Variants in FGF14 observed in about 807,000 individuals in gnomAD.
FGF14 encodes fibroblast growth factor 14.
In FGF14, 5 loss-of-function variants were observed where a neutral mutation model predicts 25.5. The ratio of observed to expected loss-of-function variants is 0.20; its 90% CI spans 0.10 to 0.41. The LOEUF (loss-of-function observed/expected upper bound fraction) is 0.41, where lower values mean the gene tolerates loss of function less well. FGF14 is among the 10% of genes least tolerant of loss of function. FGF14 has a pLI of 1.00. For missense variants in FGF14, 222 were observed against 320.1 expected (o/e 0.69, Z 2.34); for synonymous variants, 138 against 118.3 (o/e 1.17, Z -1.08).
At chr13:102,235,217 A>C (rs1441762191) in intron 1 of FGF14, among the ~76,000 whole-genome samples, 1 of 152,228 alleles carries the variant, frequency 6.6e-6, no homozygotes, top group Non-Finnish European at 1.5e-5. Flanking sequence ...ATTTTTCTGT[A>C]ATGTTTAATC....
chr13:102,161,846 C>T (rs1461323199), intron 1 of FGF14, among the ~76,000 whole-genome samples: 1 of 150,962 alleles, frequency 6.6e-6, no homozygotes, highest in African/African-American at 2.4e-5. Flanking sequence ...AAAAAAAAAC[C>T]TGGAGAATGA....
intron 3 of FGF14, among the ~76,000 whole-genome samples, chr13:101,853,833 T>C (rs149485487): frequency 1.3e-5 from 2 of 152,042 alleles, no homozygotes; most frequent in Admixed American, 1.3e-4. Flanking sequence ...AATTACAGAC[T>C]GATACTCAAG....
intron 1 of FGF14, among the ~76,000 whole-genome samples, chr13:102,098,895 G>A (rs1055819371): frequency 1.3e-5 from 2 of 152,196 alleles, no homozygotes; most frequent in African/African-American, 4.8e-5. Context: ...CCCAAGAAGA[G>A]AAAACAGATT....
chr13:102,199,705 C>T (rs1267103323), intron 1 of FGF14, among the ~76,000 whole-genome samples: 1 of 152,200 alleles, frequency 6.6e-6, no homozygotes, highest in Non-Finnish European at 1.5e-5. Context: ...AGTCTACACT[C>T]TAATCTCACG....
intron 1 of FGF14, among the ~76,000 whole-genome samples, chr13:102,010,427 C>T (rs1339215171): frequency 6.6e-6 from 1 of 152,104 alleles, no homozygotes; most frequent in South Asian, 2.1e-4. Context: ...GATACCAGAA[C>T]TAATAACACA....
chr13:101,914,276 T>C lies in FGF14; in HGVS notation c.193+2177A>G, dbSNP rs543475768. 1.7e-4 allele frequency among the ~76,000 whole-genome samples: 26 copies of C among 151,540 alleles called. No homozygotes were observed. The South Asian group carries it at 3.3e-3, about 19-fold the overall frequency. On this transcript the variant is annotated intron_variant, in intron 1 of 4. Coordinates refer to ENST00000376143, the MANE Select transcript of FGF14 (RefSeq NM_004115.4). Reference sequence around the variant, plus strand: ...ATATAATTTACATAACATAAAGTCTTAATATTTGTTTTGCTTAAAATTAGT... The same window carrying C: ...ATATAATTTACATAACATAAAGTCTCAATATTTGTTTTGCTTAAAATTAGT...
intron 1 of FGF14, among the ~76,000 whole-genome samples, chr13:102,247,245 T>C (rs2051921776): frequency 6.6e-6 from 1 of 152,080 alleles, no homozygotes; most frequent in African/African-American, 2.4e-5. Flanking sequence ...GGTATTTCAT[T>C]AAACTTAAGA....
At chr13:101,761,812 A>G (rs1408369301) in intron 3 of FGF14, among the ~76,000 whole-genome samples, 3 of 152,178 alleles carry the variant, frequency 2.0e-5, no homozygotes, top group Non-Finnish European at 4.4e-5. Flanking sequence ...TGTCCTCACT[A>G]ATGGCAGTTG....
chr13:101,860,793 G>T (rs975082403), intron 3 of FGF14, among the ~76,000 whole-genome samples: 11 of 151,998 alleles, frequency 7.2e-5, no homozygotes, highest in African/African-American at 2.7e-4. Flanking sequence ...TGGAGTCTTG[G>T]ATTCTGTTTT....
At chr13:101,917,247 A>T, upstream of FGF14, among the ~76,000 whole-genome samples, 1 of 152,032 alleles carries the variant, frequency 6.6e-6, no homozygotes. Context: ...TGGAGAGACC[A>T]ATCTTCTCCC....
intron 1 of FGF14, among the ~76,000 whole-genome samples, chr13:102,252,615 G>A (rs1431907297): frequency 2.6e-5 from 4 of 151,772 alleles, no homozygotes; most frequent in Non-Finnish European, 5.9e-5. Flanking sequence ...GTAAATAGCT[G>A]TTATACTCCA....
intron 3 of FGF14, 148 bp downstream of exon 3, chr13:101,868,565 CTGGTGAATAATA>C: frequency 1.5e-6 from 1 of 671,532 alleles, no homozygotes; most frequent in East Asian, 2.8e-5. Context: ...TTACTAAACA[CTGGTGAATAATA>C]AACAGCTTCT....
chr13:102,154,908 G>C (rs1349284662), intron 1 of FGF14, among the ~76,000 whole-genome samples: 1 of 151,582 alleles, frequency 6.6e-6, no homozygotes, highest in Non-Finnish European at 1.5e-5. Context: ...GATCAAAAGA[G>C]ACAAAGAAGG....
chr13:101,953,568 G>GTGTGTGTGTGTA (rs2036309863), intron 1 of FGF14, among the ~76,000 whole-genome samples: 1 of 147,004 alleles, frequency 6.8e-6, no homozygotes, highest in Non-Finnish European at 1.5e-5. Flanking sequence ...ATGTGTGTGT[G>GTGTGTGTGTGTA]TGTATATATA....
At chr13:101,821,000 T>A (rs573776185) in intron 3 of FGF14, among the ~76,000 whole-genome samples, 382 of 147,528 alleles carry the variant, frequency 2.6e-3, no homozygotes, top group African/African-American at 8.4e-3. Context: ...CAGGCTGGAG[T>A]GCAGTGGCAT....
At chr13:102,224,283 G>C (rs564467542) in intron 1 of FGF14, among the ~76,000 whole-genome samples, 165 of 152,194 alleles carry the variant, frequency 1.1e-3, no homozygotes, top group Non-Finnish European at 2.2e-3. Context: ...GGCTTGCAAA[G>C]AAACACCAGA....
chr13:102,102,899 G>A (rs968134423), intron 1 of FGF14, among the ~76,000 whole-genome samples: 1 of 152,114 alleles, frequency 6.6e-6, no homozygotes, highest in Non-Finnish European at 1.5e-5. Flanking sequence ...GTATACTCAG[G>A]GATTCTTGGG....
chr13:101,965,912 A>C lies in FGF14; in HGVS notation c.209-90616T>G, dbSNP rs143175606. On this transcript the variant is annotated intron_variant, in intron 1 of 4. Coordinates refer to the FGF14 transcript ENST00000376131. ...AACTGAAAAGTGTCACTCCATAAAG[A>C]AAAAATAATTGGTAATTTTATACTT... Among the ~76,000 whole-genome samples the C allele has an allele frequency of 2.9e-4, 44 of 152,282 alleles. 3 individuals carry two copies. In the South Asian group the frequency reaches 8.7e-3, roughly 30 times the overall value.
chr13:101,728,947 G>A (rs1171201476), intron 3 of FGF14, among the ~76,000 whole-genome samples: 1 of 152,046 alleles, frequency 6.6e-6, no homozygotes, highest in East Asian at 1.9e-4. Flanking sequence ...CAGCAACTTA[G>A]GGATGTATTG....
Sources: allele counts gnomAD v4.1 joint callset (sites outside exome capture counted in the v4.1 genomes callset), GRCh38; gene constraint gnomAD v4.1.1; transcripts MANE v1.5; gene names NCBI Gene and HGNC (gene_info 2026-07-23, HGNC 2026-07-21).